The following ABHD12 variants were observed in gnomAD, a reference collection of about 807,000 sequenced individuals.
The protein encoded by ABHD12 is abhydrolase domain containing 12, lysophospholipase.
ABHD12 carries 43 observed loss-of-function variants against 58.3 expected under a neutral mutation model. The ratio of observed to expected loss-of-function variants is 0.74; its 90% confidence interval spans 0.58 to 0.95. The LOEUF is 0.95. Among genes scored for constraint, ABHD12 ranks in the 40% least tolerant of loss-of-function variants. The pLI is 0.00. For synonymous variants in ABHD12, 219 were observed against 211.2 expected (o/e 1.04, Z -0.32); for missense variants, 539 against 537.2 (o/e 1.00, Z -0.03).
chr20:25,385,107 G>C (rs571886490), intron 1 of ABHD12, among the ~76,000 whole-genome samples: 62 of 152,146 alleles, frequency 4.1e-4, no homozygotes, highest in Non-Finnish European at 7.9e-4. Context: ...GGAGGCCAAG[G>C]CGGGTGGAAC....
In ABHD12 at chr20:25,328,116, AAAG is replaced by A. The variant is rs1238250304; in HGVS notation, c.317-4689_317-4687del. ...CGCCAGTCTCCTGGAAAAAAAAAAA[AAAG>A]AACACAGCCATACAAGAATTTAGAT... On this transcript the variant is annotated intron_variant, in intron 2 of 12. Transcript: ENST00000339157. 1.8e-4 allele frequency among the ~76,000 whole-genome samples: 27 copies of A among 152,268 alleles called. No homozygotes were observed. The East Asian group carries it at 4.4e-3, about 25-fold the overall frequency.
In ABHD12 at chr20:25,303,592, G is replaced by T. The variant is rs755924680; in HGVS notation, c.987C>A (p.His329Gln). The T allele has an allele frequency of 1.2e-6, 2 of 1,613,752 alleles. No individual in the cohort carries two copies. The highest frequency in any genetic ancestry group is 1.1e-5 in the South Asian group (1 of 91,082). Residue 329 changes from histidine (H) to glutamine (Q), a missense_variant, in exon 11 of 13, where the codon CAC (histidine) becomes CAA (glutamine). Coordinates refer to ENST00000339157, the MANE Select transcript of ABHD12 (RefSeq NM_001042472.3). ...AGGGCACCACCGGGTCGTCCTCAGCGTGCAGGATGAGCAGGGGACAGGAGA... is the reference window on the plus strand; with the variant it reads ...AGGGCACCACCGGGTCGTCCTCAGCTTGCAGGATGAGCAGGGGACAGGAGA... ...KHISCPLLIL[H>Q]AEDDPVVPFQ...
intron 1 of ABHD12, among the ~76,000 whole-genome samples, chr20:25,362,616 G>A (rs1339853278): frequency 2.2e-5 from 2 of 92,986 alleles, no homozygotes; most frequent in African/African-American, 7.9e-5. Context: ...GGGAGGGAAG[G>A]ACAGGGGAGG....
At position 25,351,976 on chromosome 20, in the gene ABHD12, C is replaced by A. The variant is rs375446161; in HGVS notation, c.192-12625G>T. 1.2e-3 allele frequency among the ~76,000 whole-genome samples: 180 copies of A among 152,242 alleles called. 1 individual carries two copies. Among genetic ancestry groups the A allele is most frequent in the African/African-American group, 4.1e-3 (172 of 41,546 alleles). On this transcript the variant is annotated intron_variant, in intron 1 of 12. Transcript: ENST00000339157. ...TGGTGCTAGGCACAGTAAACAACCA[C>A]ATTTGATTATTTTTTATTTTATTTT... is the stretch of plus-strand genomic sequence containing the variant.
intron 1 of ABHD12, among the ~76,000 whole-genome samples, chr20:25,345,590 A>C (rs1357452965): frequency 2.6e-5 from 4 of 152,248 alleles, no homozygotes; most frequent in African/African-American, 9.6e-5. Context: ...AGAACTCTTA[A>C]AACTTGATAA....
chr20:25,361,586 GTTCCATCT>G lies in ABHD12; in HGVS notation c.192-22243_192-22236del, dbSNP rs377319535. On this transcript the variant is annotated intron_variant, in intron 1 of 12. Transcript: ENST00000339157. ...CTACTGTGAAATAAAAGTTTATCCTGTTCCATCTTTCCAGCCAGCTGGTTACTGGTATA... is the reference window on the plus strand; with the variant it reads ...CTACTGTGAAATAAAAGTTTATCCTGTTCCAGCCAGCTGGTTACTGGTATA... Among the ~76,000 whole-genome samples the G allele has an allele frequency of 1.2e-3, 180 of 152,290 alleles. 1 individual carries two copies. The highest frequency in any genetic ancestry group is 4.1e-3 in the African/African-American group (172 of 41,558).
At chr20:25,386,460 A>C (rs1373210643) in intron 1 of ABHD12, among the ~76,000 whole-genome samples, 1 of 151,564 alleles carries the variant, frequency 6.6e-6, no homozygotes, top group East Asian at 2.0e-4. Flanking sequence ...ACGGGGTTTC[A>C]CCCGTCAGCC....
chr20:25,301,749 G>A (rs2088639015), intron 12 of ABHD12, among the ~76,000 whole-genome samples: 1 of 152,282 alleles, frequency 6.6e-6, no homozygotes, highest in Admixed American at 6.5e-5. Flanking sequence ...CTCAGGCCCA[G>A]GTGGGTACTC....
At chr20:25,339,135 A>G (rs2089419903) in intron 2 of ABHD12, 92 bp downstream of exon 2, 6 of 1,563,694 alleles carry the variant, frequency 3.8e-6, no homozygotes, top group African/African-American at 1.4e-5. Context: ...CTAAATCTCC[A>G]TTAAAGTAAA....
At chr20:25,339,177 A>T in intron 2 of ABHD12, 50 bp downstream of exon 2, 1 of 1,611,192 alleles carries the variant, frequency 6.2e-7, no homozygotes. Context: ...CATCACCATG[A>T]AAATGAACCC....
chr20:25,382,879 G>A (rs2090038382), intron 1 of ABHD12, among the ~76,000 whole-genome samples: 1 of 152,192 alleles, frequency 6.6e-6, no homozygotes, highest in South Asian at 2.1e-4. Context: ...CCAGTCCCTG[G>A]CTGGAGTGCA....
chr20:25,322,360 A>AACATATATATATATATATAT lies in ABHD12; in HGVS notation c.422+964_422+965insATATATATATATATATATGT, dbSNP rs2089082248. Among the ~76,000 whole-genome samples the AACATATATATATATATATAT allele has an allele frequency of 5.6e-5, 4 of 71,718 alleles. No homozygotes were observed. The South Asian group carries it at 1.9e-3, about 35-fold the overall frequency. The allele number at this position is 71,718 out of a possible 152,430, so 47.0% of individuals were successfully genotyped here. A position where few individuals can be genotyped will look rare whatever the true frequency, so the allele number is the denominator to read the frequency against. On this transcript the variant is annotated intron_variant, in intron 3 of 12. Transcript: ENST00000339157. ...GTATCTAGATGTTCACCTCTTGGAA[A>AACATATATATATATATATAT]AGATATATATATATATATATATTTT...
intron 1 of ABHD12, chr20:25,339,563 G>A (rs796556840): frequency 1.3e-5 from 19 of 1,442,124 alleles, no homozygotes; most frequent in Admixed American, 1.9e-5. Flanking sequence ...TCTACTGGGG[G>A]TAAGAGGAAC....
chr20:25,319,486 C>T (rs1366256241), intron 4 of ABHD12, among the ~76,000 whole-genome samples: 1 of 152,178 alleles, frequency 6.6e-6, no homozygotes, highest in Non-Finnish European at 1.5e-5. Context: ...TCCCTCCTGC[C>T]CCTTCTCAGC....
At chr20:25,314,169 C>G (rs1468678575) in intron 6 of ABHD12, among the ~76,000 whole-genome samples, 5 of 152,016 alleles carry the variant, frequency 3.3e-5, no homozygotes, top group African/African-American at 4.8e-5. Context: ...GATGGGGTTT[C>G]ACCATGTTGG....
Position 25,319,043 on chromosome 20 carries a change from C to T in ABHD12, c.542+1156G>A, listed in dbSNP as rs938249868. Among the ~76,000 whole-genome samples the T allele has an allele frequency of 6.4e-4, 97 of 152,368 alleles. 1 individual carries two copies. The highest frequency in any genetic ancestry group is 2.0e-3 in the African/African-American group (85 of 41,588). On this transcript the variant is annotated intron_variant, in intron 4 of 12. Coordinates refer to ENST00000339157, the MANE Select transcript of ABHD12 (RefSeq NM_001042472.3). ...GCCTATAAAATGTTTGCCCCCAGCC[C>T]TGACATACCCTGGTGCCACACGGGA... is the stretch of plus-strand genomic sequence containing the variant.
chr20:25,294,944 T>C lies in ABHD12; in HGVS notation c.*29A>G, dbSNP rs772272005. 32 of 1,613,708 alleles carry C rather than the reference T, an allele frequency of 2.0e-5. No individual in the cohort carries two copies. In the South Asian group the frequency reaches 3.3e-4, roughly 17 times the overall value. ...TAGTTTTAGTTTTGTCTGCTGCTCT[T>C]CGATGACCGTGTCACCTGTTGGCTT... On this transcript the variant is annotated 3_prime_UTR_variant, in exon 13 of 13. Coordinates refer to the ABHD12 transcript ENST00000376542.
intron 1 of ABHD12, among the ~76,000 whole-genome samples, chr20:25,341,802 T>C (rs1286222328): frequency 6.6e-6 from 1 of 151,980 alleles, no homozygotes; most frequent in Non-Finnish European, 1.5e-5. Context: ...CTCAGGACGT[T>C]ATCCTGAGAG....
chr20:25,332,503 AT>A (rs2089294819), intron 2 of ABHD12, among the ~76,000 whole-genome samples: 1 of 151,478 alleles, frequency 6.6e-6, no homozygotes, highest in African/African-American at 2.4e-5. Context: ...CAGAATATAC[AT>A]TTTTTTCAGC....
Sources: allele counts gnomAD v4.1 joint callset (sites outside exome capture counted in the v4.1 genomes callset), GRCh38; gene constraint gnomAD v4.1.1; transcripts MANE v1.5; gene names NCBI Gene and HGNC (gene_info 2026-07-23, HGNC 2026-07-21).